CTNNA2: variants seen among roughly 807,000 people sequenced by gnomAD.
The protein encoded by CTNNA2 is catenin alpha 2, also known as catenin alpha-2.
CTNNA2 carries 42 observed loss-of-function variants against 101.0 expected under a neutral mutation model. The observed-to-expected ratio is 0.42, with a 90% CI of 0.32 to 0.54. The LOEUF is 0.54. CTNNA2 is among the 20% of genes least tolerant of loss of function. CTNNA2 has a pLI of 0.14. For missense variants in CTNNA2, 871 were observed against 1,223.1 expected, an observed-to-expected ratio of 0.71 and a Z score of 4.29; for synonymous variants, 450 against 456.4, an observed-to-expected ratio of 0.99 and a Z score of 0.18.
chr2:79,888,068 G>A (rs17018089), intron 6 of CTNNA2, among the ~76,000 whole-genome samples: 5,917 of 152,180 alleles, frequency 0.039, 381 homozygotes, highest in African/African-American at 0.13. Flanking sequence ...GTAGTCATCC[G>A]TCAAAAAGTG....
chr2:80,615,997 A>G (rs987686973), intron 17 of CTNNA2, among the ~76,000 whole-genome samples: 2 of 151,674 alleles, frequency 1.3e-5, no homozygotes, highest in Non-Finnish European at 3.0e-5. Flanking sequence ...CTTAATTCAG[A>G]CTTTTAATCT....
At chr2:80,339,069 AGAT>A (rs1671999072) in intron 7 of CTNNA2, among the ~76,000 whole-genome samples, 1 of 152,178 alleles carries the variant, frequency 6.6e-6, no homozygotes, top group South Asian at 2.1e-4. Flanking sequence ...GTAGCTGAAA[AGAT>A]GAATCTCCAT....
chr2:80,401,332 A>G (rs781680633), intron 8 of CTNNA2, among the ~76,000 whole-genome samples: 1 of 152,132 alleles, frequency 6.6e-6, no homozygotes, highest in Admixed American at 6.5e-5. Context: ...CTAAACTCAC[A>G]TGTCTCTGGT....
chr2:79,574,709 T>C (rs1056333191), intron 1 of CTNNA2, among the ~76,000 whole-genome samples: 1 of 152,216 alleles, frequency 6.6e-6, no homozygotes, highest in Non-Finnish European at 1.5e-5. Flanking sequence ...GGTAGAATGA[T>C]TTGTATCCCT....
intron 7 of CTNNA2, among the ~76,000 whole-genome samples, chr2:80,163,824 C>T (rs1275531219): frequency 6.6e-6 from 1 of 151,872 alleles, no homozygotes; most frequent in African/African-American, 2.4e-5. Flanking sequence ...TTTAGGGTTG[C>T]TTTTTTCATT....
chr2:80,614,271 T>C (rs1287702086), intron 17 of CTNNA2, among the ~76,000 whole-genome samples: 3 of 151,252 alleles, frequency 2.0e-5, no homozygotes, highest in African/African-American at 4.9e-5. Context: ...CAACCTGGGA[T>C]TGAAAATATT....
At chr2:80,046,938 T>C (rs1696570206) in intron 7 of CTNNA2, among the ~76,000 whole-genome samples, 1 of 152,200 alleles carries the variant, frequency 6.6e-6, no homozygotes, top group South Asian at 2.1e-4. Flanking sequence ...TGGATAATTA[T>C]TTTTGTGGAA....
At chr2:79,527,029 T>G (rs1672446638) in intron 1 of CTNNA2, among the ~76,000 whole-genome samples, 2 of 152,058 alleles carry the variant, frequency 1.3e-5, no homozygotes, top group Admixed American at 1.3e-4. Context: ...AATTAAAAAC[T>G]TTTATGCATC....
intron 3 of CTNNA2, among the ~76,000 whole-genome samples, chr2:79,334,734 C>G (rs1676955771): frequency 1.3e-5 from 2 of 152,110 alleles, no homozygotes; most frequent in South Asian, 4.1e-4. Flanking sequence ...TGAATGTGAT[C>G]TGGCAAGGAG....
intron 4 of CTNNA2, among the ~76,000 whole-genome samples, chr2:79,501,234 T>G (rs950649357): frequency 3.3e-5 from 5 of 152,198 alleles, no homozygotes; most frequent in African/African-American, 1.2e-4. Flanking sequence ...GACATCACAT[T>G]TACCAAATTA....
At chr2:79,190,792 G>A (rs1673843779) in intron 1 of CTNNA2, among the ~76,000 whole-genome samples, 1 of 152,154 alleles carries the variant, frequency 6.6e-6, no homozygotes, top group Non-Finnish European at 1.5e-5. Flanking sequence ...GTTGTGTTCA[G>A]TAGGACTTTT....
intron 7 of CTNNA2, among the ~76,000 whole-genome samples, chr2:80,177,526 T>C (rs1463832002): frequency 6.6e-6 from 1 of 152,190 alleles, no homozygotes; most frequent in Non-Finnish European, 1.5e-5. Flanking sequence ...TCCGTGTTGC[T>C]GAGCCCATGC....
rs75433674 is a variant in CTNNA2, at chr2:79,966,531, T to C, written c.1056+56734T>C. Among the ~76,000 whole-genome samples the C allele has an allele frequency of 5.3e-3, 810 of 152,310 alleles. 19 individuals are homozygous for C. The East Asian group carries it at 0.056, about 11-fold the overall frequency. ...GATTACAGGCTTTAGCCTCTGTGCC[T>C]GGCCTGTAACTGGGACCTTTACACC... is the stretch of plus-strand genomic sequence containing the variant. On this transcript the variant is annotated intron_variant, in intron 7 of 18. Transcript: ENST00000402739.
chr2:80,292,713 T>C (rs1675374676), intron 7 of CTNNA2, among the ~76,000 whole-genome samples: 1 of 152,194 alleles, frequency 6.6e-6, no homozygotes, highest in South Asian at 2.1e-4. Context: ...GTGCAATCAT[T>C]TATAAGTTAA....
chr2:80,579,722 C>T (rs1468109880), intron 13 of CTNNA2, among the ~76,000 whole-genome samples: 1 of 152,096 alleles, frequency 6.6e-6, no homozygotes, highest in Non-Finnish European at 1.5e-5. Flanking sequence ...AGTGATATGC[C>T]AAAGCTTGGA....
At chr2:80,387,157 C>T (rs534605810) in intron 7 of CTNNA2, among the ~76,000 whole-genome samples, 106 of 152,054 alleles carry the variant, frequency 7.0e-4, no homozygotes, top group South Asian at 3.3e-3. Flanking sequence ...GGCGTGGTGG[C>T]GGGCACCTGT....
At chr2:79,797,310 A>C (rs888051824) in intron 3 of CTNNA2, among the ~76,000 whole-genome samples, 1 of 152,132 alleles carries the variant, frequency 6.6e-6, no homozygotes, top group Non-Finnish European at 1.5e-5. Flanking sequence ...GTCATCTAAA[A>C]TAAGCATGAT....
At chr2:80,389,738 C>T (rs1383124985) in intron 7 of CTNNA2, among the ~76,000 whole-genome samples, 1 of 152,180 alleles carries the variant, frequency 6.6e-6, no homozygotes, top group Admixed American at 6.5e-5. Context: ...AGTAAATTGA[C>T]TATCCCATCC....
chr2:79,471,643 C>T (rs918548549), intron 4 of CTNNA2, among the ~76,000 whole-genome samples: 5 of 152,066 alleles, frequency 3.3e-5, no homozygotes, highest in African/African-American at 1.2e-4. Flanking sequence ...TCGAGACCAT[C>T]CTGGCTAACA....
Sources: gnomAD v4.1 joint callset for allele counts (sites outside exome capture counted in the v4.1 genomes callset) on GRCh38, gnomAD v4.1.1 for gene constraint, MANE v1.5 for transcripts, NCBI Gene and HGNC (gene_info 2026-07-23, HGNC 2026-07-21) for gene names.